Variants in NCKAP5 observed in about 807,000 individuals in gnomAD.
The protein encoded by NCKAP5 is NCK associated protein 5.
NCKAP5 carries 92 observed loss-of-function variants against 167.0 expected under a neutral mutation model. The ratio of observed to expected loss-of-function variants is 0.55; its 90% CI spans 0.47 to 0.66. The LOEUF (loss-of-function observed/expected upper bound fraction) is 0.66, where lower values mean the gene tolerates loss of function less well. Among genes scored for constraint, NCKAP5 ranks in the 30% least tolerant of loss-of-function variants. The probability of loss-of-function intolerance (pLI) is 0.00; values close to 1 mark genes in which losing one functional copy is unlikely to be tolerated. For synonymous variants in NCKAP5, 891 were observed against 877.4 expected, an observed-to-expected ratio of 1.02 and a Z score of -0.27; for missense variants, 2,378 against 2,315.0, an observed-to-expected ratio of 1.03 and a Z score of -0.56.
At chr2:132,820,272 C>T (rs1027756074) in intron 11 of NCKAP5, among the ~76,000 whole-genome samples, 5 of 151,696 alleles carry the variant, frequency 3.3e-5, no homozygotes, top group Non-Finnish European at 7.4e-5. Flanking sequence ...CTCTGTGGCC[C>T]AGGCTGGAGT....
intron 11 of NCKAP5, among the ~76,000 whole-genome samples, chr2:132,855,791 C>T (rs750544493): frequency 2.6e-5 from 4 of 152,118 alleles, no homozygotes; most frequent in Non-Finnish European, 4.4e-5. Flanking sequence ...TTCTTTTCAT[C>T]TTTTTGTCTC....
At chr2:132,906,955 T>C (rs1694053973) in intron 8 of NCKAP5, among the ~76,000 whole-genome samples, 3 of 152,250 alleles carry the variant, frequency 2.0e-5, no homozygotes, top group Non-Finnish European at 4.4e-5. Context: ...TTTACTTGAA[T>C]GATTTACTGT....
At chr2:133,547,561 T>C (rs1433954393) in intron 2 of NCKAP5, among the ~76,000 whole-genome samples, 1 of 151,598 alleles carries the variant, frequency 6.6e-6, no homozygotes, top group Non-Finnish European at 1.5e-5. Context: ...CTCAAGTGGG[T>C]CCCTGACCCC....
At chr2:132,984,650 A>T (rs944402817) in intron 7 of NCKAP5, among the ~76,000 whole-genome samples, 2 of 152,074 alleles carry the variant, frequency 1.3e-5, no homozygotes, top group African/African-American at 4.8e-5. Context: ...ATGAAAGTGT[A>T]TGTTTTTTTC....
At chr2:133,034,243 A>C (rs1274413385) in intron 6 of NCKAP5, among the ~76,000 whole-genome samples, 1 of 152,152 alleles carries the variant, frequency 6.6e-6, no homozygotes, top group Admixed American at 6.5e-5. Context: ...AAACACTTTT[A>C]CCCTAGAATA....
chr2:133,517,385 G>T, intron 3 of NCKAP5, 73 bp downstream of exon 3: 1 of 735,726 alleles, frequency 1.4e-6, no homozygotes, highest in Non-Finnish European at 2.1e-6. Context: ...ACAGCGTTCA[G>T]GAAATAACAG....
intron 8 of NCKAP5, among the ~76,000 whole-genome samples, chr2:132,935,393 G>A (rs1334402979): frequency 5.3e-5 from 8 of 152,144 alleles, no homozygotes; most frequent in South Asian, 2.1e-4. Flanking sequence ...TTTTGTTACC[G>A]GCAGCCAGGG....
At chr2:133,511,653 C>G (rs913004116) in intron 3 of NCKAP5, among the ~76,000 whole-genome samples, 18 of 152,230 alleles carry the variant, frequency 1.2e-4, no homozygotes, top group African/African-American at 4.1e-4. Flanking sequence ...TCAGATGTCA[C>G]GCCATCTTCT....
At chr2:132,866,186 A>C (rs1216549106) in intron 10 of NCKAP5, among the ~76,000 whole-genome samples, 1 of 152,206 alleles carries the variant, frequency 6.6e-6, no homozygotes, top group Non-Finnish European at 1.5e-5. Context: ...AACGAAAATA[A>C]CTGCAGAGAA....
chr2:133,188,889 G>A (rs1299483515), intron 5 of NCKAP5, among the ~76,000 whole-genome samples: 3 of 151,890 alleles, frequency 2.0e-5, no homozygotes, highest in African/African-American at 7.3e-5. Flanking sequence ...AGAAGCAAGA[G>A]CAAACACATT....
At chr2:133,518,032 T>A (rs1360992925) in intron 2 of NCKAP5, among the ~76,000 whole-genome samples, 4 of 152,162 alleles carry the variant, frequency 2.6e-5, no homozygotes, top group Non-Finnish European at 5.9e-5. Context: ...AACTGAAACA[T>A]GAACATTGTT....
In NCKAP5 at chr2:132,861,327, C is replaced by T. The variant is rs76942878; in HGVS notation, c.688-716G>A. The stretch of plus-strand genomic sequence containing the variant: ...CCAGCTCATGGAGGAAGCTGATGTA[C>T]TAGAACTGCCTTCCAAACTGACTGC... On this transcript the variant is annotated intron_variant, in intron 10 of 19. Coordinates refer to ENST00000409261, the MANE Select transcript of NCKAP5 (RefSeq NM_207363.3). 1.1e-4 allele frequency among the ~76,000 whole-genome samples: 16 copies of T among 152,164 alleles called. No individual in the cohort carries two copies. In the East Asian group the frequency reaches 3.1e-3, roughly 29 times the overall value.
At chr2:133,243,419 T>C (rs1276009823) in intron 4 of NCKAP5, among the ~76,000 whole-genome samples, 10 of 152,206 alleles carry the variant, frequency 6.6e-5, no homozygotes, top group African/African-American at 9.6e-5. Flanking sequence ...ATACTTGCTT[T>C]GGTCCCTACC....
Position 132,860,628 on chromosome 2 carries a change from GA to G in NCKAP5, c.688-18del, listed in dbSNP as rs1689819259. The G allele has an allele frequency of 1.3e-6, 2 of 1,556,848 alleles. No homozygotes were observed. The highest frequency in any genetic ancestry group is 2.7e-5 in the African/African-American group (2 of 73,540). On this transcript the variant is annotated intron_variant, in intron 10 of 19. Coordinates refer to ENST00000409261, the MANE Select transcript of NCKAP5 (RefSeq NM_207363.3). ...TCTTAGATCCTACAACAAACACATCGAAGGAGGAAAAAGTCCATAACTGAAA... is the reference window on the plus strand; with the variant it reads ...TCTTAGATCCTACAACAAACACATCGAGGAGGAAAAAGTCCATAACTGAAA...
chr2:133,079,284 C>A (rs778053414), intron 6 of NCKAP5, among the ~76,000 whole-genome samples: 3 of 152,078 alleles, frequency 2.0e-5, no homozygotes, highest in Non-Finnish European at 2.9e-5. Context: ...ACTGGATGTG[C>A]CATAGCAGCA....
intron 6 of NCKAP5, among the ~76,000 whole-genome samples, chr2:133,008,092 C>T (rs553733390): frequency 3.3e-5 from 5 of 152,206 alleles, no homozygotes; most frequent in African/African-American, 1.2e-4. Context: ...AGCCCAGCCT[C>T]GCTAACTTTT....
At position 133,338,120 on chromosome 2, in the gene NCKAP5, AT is replaced by A. The variant is rs377397492; in HGVS notation, c.70-35011del. Among the ~76,000 whole-genome samples, 569 of 149,794 alleles carry A rather than the reference AT, an allele frequency of 3.8e-3. 2 individuals carry two copies. The highest frequency in any genetic ancestry group is 0.01 in the African/African-American group (412 of 40,980). The stretch of plus-strand genomic sequence containing the variant: ...AAGCTGAATTATATGGGTCTATTGC[AT>A]TTTTTTTTTGTTGAAATCAAATATT... On this transcript the variant is annotated intron_variant, in intron 3 of 19. Transcript: ENST00000409261.
rs531068694 is a variant in NCKAP5, at chr2:133,553,774, T to C, written c.-62+5276A>G. Among the ~76,000 whole-genome samples the C allele has an allele frequency of 1.1e-4, 16 of 152,306 alleles. 1 individual carries two copies. In the South Asian group the frequency reaches 3.1e-3, roughly 30 times the overall value. On this transcript the variant is annotated intron_variant, in intron 2 of 19. Coordinates refer to ENST00000409261, the MANE Select transcript of NCKAP5 (RefSeq NM_207363.3). ...AAAATAATTAAAGAGGCTATATACA[T>C]AATAAATGAGTTATATACAGAAATA... is the stretch of plus-strand genomic sequence containing the variant.
rs556034406 is a variant in NCKAP5 at position 132,720,790 on chromosome 2, C to A, written c.5713+4837G>T. On this transcript the variant is annotated intron_variant, in intron 19 of 19. Transcript: ENST00000409261. ...TTGGGAGGCCAAGGCAGGAGGATCACCTAAGGTCACGAGTTCGAGACCAGC... is the reference window on the plus strand; with the variant it reads ...TTGGGAGGCCAAGGCAGGAGGATCAACTAAGGTCACGAGTTCGAGACCAGC... Among the ~76,000 whole-genome samples, 3 of 152,256 alleles carry A rather than the reference C, an allele frequency of 2.0e-5. No individual in the cohort carries two copies. In the South Asian group the frequency reaches 6.2e-4, roughly 32 times the overall value.
Sources: gnomAD v4.1 joint callset for allele counts (sites outside exome capture counted in the v4.1 genomes callset) on GRCh38, gnomAD v4.1.1 for gene constraint, MANE v1.5 for transcripts, NCBI Gene and HGNC (gene_info 2026-07-23, HGNC 2026-07-21) for gene names.